The following DCAF6 variants were observed in gnomAD, a reference collection of about 807,000 sequenced individuals.
DCAF6 encodes the protein DDB1- and CUL4-associated factor 6.
DCAF6 carries 54 observed loss-of-function variants against 125.1 expected under a neutral mutation model. The ratio of observed to expected loss-of-function variants is 0.43; its 90% CI spans 0.35 to 0.54. The LOEUF (loss-of-function observed/expected upper bound fraction) is 0.54. DCAF6 is among the 20% of genes least tolerant of loss of function. The pLI is 0.01. For synonymous variants in DCAF6, 371 were observed against 390.4 expected (o/e 0.95, Z 0.58); for missense variants, 934 against 1,161.7 (o/e 0.80, Z 2.85).
intron 12 of DCAF6, among the ~76,000 whole-genome samples, chr1:168,028,929 T>C (rs562617197): frequency 3.7e-4 from 57 of 152,312 alleles, no homozygotes; most frequent in African/African-American, 1.3e-3. Context: ...TAGTATATTT[T>C]AAATTCTAGT....
chr1:168,050,819 T>G lies in DCAF6; in HGVS notation c.2259-73T>G, dbSNP rs990460337. 16 of 825,186 alleles carry G rather than the reference T, an allele frequency of 1.9e-5. No homozygotes were observed. In the African/African-American group the frequency reaches 2.8e-4, roughly 14 times the overall value. The allele number at this position is 825,186 out of a possible 1,614,324, so 51.1% of individuals were successfully genotyped here. A position where few individuals can be genotyped will look rare whatever the true frequency, so the allele number is the denominator to read the frequency against. ...GAGATGATTGATGATAAAAAGGGTG[T>G]CCTTAATGCTTTAAATATTTGGTTC... On this transcript the variant is annotated intron_variant, in intron 16 of 21. Transcript: ENST00000367840.
chr1:167,965,229 G>A (rs1676218054), intron 2 of DCAF6, among the ~76,000 whole-genome samples: 3 of 152,188 alleles, frequency 2.0e-5, no homozygotes, highest in African/African-American at 7.2e-5. Context: ...CACTTAAAGA[G>A]CCTATACGTC....
At chr1:167,951,332 T>C (rs1009511716) in intron 1 of DCAF6, among the ~76,000 whole-genome samples, 1 of 152,194 alleles carries the variant, frequency 6.6e-6, no homozygotes, top group East Asian at 1.9e-4. Flanking sequence ...CCTAGCACTT[T>C]GGGAGGCCAA....
chr1:167,993,152 C>A, intron 6 of DCAF6, 74 bp from the exon 7 acceptor site: 1 of 1,261,426 alleles, frequency 7.9e-7, no homozygotes, highest in Non-Finnish European at 1.1e-6. Context: ...TGTAATAATT[C>A]AGATTAAGAG....
At chr1:167,918,842 C>T in the DCAF6 span, among the ~76,000 whole-genome samples, 4 of 152,036 alleles carry the variant, frequency 2.6e-5, no homozygotes, top group African/African-American at 7.3e-5. Flanking sequence ...GTCTGCCTGC[C>T]TCGGCCTCCC....
intron 7 of DCAF6, among the ~76,000 whole-genome samples, chr1:167,997,339 A>G (rs1316395156): frequency 1.3e-5 from 2 of 152,200 alleles, no homozygotes; most frequent in African/African-American, 4.8e-5. Flanking sequence ...CGTATGAAGG[A>G]TGAAGCCCTC....
At chr1:167,948,306 C>CT (rs1424483351) in intron 1 of DCAF6, among the ~76,000 whole-genome samples, 1 of 151,718 alleles carries the variant, frequency 6.6e-6, no homozygotes, top group Non-Finnish European at 1.5e-5. Context: ...CTCTAAATCT[C>CT]TTAACTAGCA....
chr1:167,941,319 A>G (rs1672196894), intron 1 of DCAF6, among the ~76,000 whole-genome samples: 1 of 152,242 alleles, frequency 6.6e-6, no homozygotes, highest in Admixed American at 6.5e-5. Flanking sequence ...CATAGACACT[A>G]TGATAGCTCT....
chr1:167,974,941 T>C lies in DCAF6; in HGVS notation c.364T>C (p.Tyr122His), dbSNP rs768632730. The stretch of plus-strand genomic sequence containing the variant: ...CTGCTCTGGAGATGGAGTAATATTT[T>C]ATACCAACGTTGAGCAAGATGCAGA... ...VSCSGDGVIF[Y>H]TNVEQDAETN... The change falls in exon 4 of 22, where the codon TAT becomes CAT. Residue 122 changes from tyrosine (Y) to histidine (H), a missense_variant. Transcript: ENST00000367840. 6 of 1,609,712 alleles carry C rather than the reference T, an allele frequency of 3.7e-6. No individual in the cohort carries two copies. In the Admixed American group the frequency reaches 1.0e-4, roughly 27 times the overall value.
chr1:168,002,026 AGAGTAAATTGTCAATAAT>A (rs1170796606), intron 7 of DCAF6, among the ~76,000 whole-genome samples: 16 of 152,314 alleles, frequency 1.1e-4, no homozygotes, highest in Non-Finnish European at 1.0e-4. Flanking sequence ...TGGGAACCGA[AGAGTAAATTGTCAATAAT>A]GAGTAAATTG....
chr1:168,034,137 AAT>A (rs767383292), intron 12 of DCAF6, among the ~76,000 whole-genome samples: 10 of 152,254 alleles, frequency 6.6e-5, no homozygotes, highest in Non-Finnish European at 1.3e-4. Flanking sequence ...TCTTAATTAA[AAT>A]AGTTACTTAT....
the DCAF6 span, chr1:167,899,669 G>T: frequency 1.3e-6 from 2 of 1,593,008 alleles, no homozygotes; most frequent in Non-Finnish European, 1.7e-6. Context: ...AAGAAGTTCT[G>T]GATTATTTCC....
At chr1:168,038,969 C>G (rs1688167755) in intron 13 of DCAF6, among the ~76,000 whole-genome samples, 1 of 151,930 alleles carries the variant, frequency 6.6e-6, no homozygotes, top group South Asian at 2.1e-4. Flanking sequence ...TCCCATGTTA[C>G]TACTTAGTTT....
chr1:167,932,100 A>C (rs1252269590), upstream of DCAF6, among the ~76,000 whole-genome samples: 1 of 152,112 alleles, frequency 6.6e-6, no homozygotes, highest in African/African-American at 2.4e-5. Flanking sequence ...GTAAAAGGAG[A>C]GCTATAATGC....
the DCAF6 span, among the ~76,000 whole-genome samples, chr1:167,886,051 C>T: frequency 3.9e-5 from 6 of 152,032 alleles, no homozygotes; most frequent in Non-Finnish European, 8.8e-5. Context: ...TAAAAGAGGA[C>T]ACAAACAAAT....
chr1:168,032,485 CTG>C (rs924952975), intron 12 of DCAF6, among the ~76,000 whole-genome samples: 8 of 152,184 alleles, frequency 5.3e-5, no homozygotes, highest in Non-Finnish European at 1.0e-4. Context: ...GGTTTAAAAA[CTG>C]TGGTTGAGAA....
chr1:167,908,990 C>T, the DCAF6 span, among the ~76,000 whole-genome samples: 28 of 152,126 alleles, frequency 1.8e-4, no homozygotes, highest in African/African-American at 6.3e-4. Flanking sequence ...TGAGCAAATC[C>T]GTGTAATACC....
At chr1:167,935,430 T>C (rs1285826623), upstream of DCAF6, among the ~76,000 whole-genome samples, 1 of 152,162 alleles carries the variant, frequency 6.6e-6, no homozygotes, top group Non-Finnish European at 1.5e-5. Flanking sequence ...CCAGACAGTT[T>C]GGTGGCCGCA....
intron 17 of DCAF6, among the ~76,000 whole-genome samples, chr1:168,056,711 G>A (rs1022907521): frequency 1.3e-5 from 2 of 152,168 alleles, no homozygotes; most frequent in Admixed American, 6.5e-5. Context: ...CTTGCAGCAA[G>A]AAACCTCTTT....
Sources: gnomAD v4.1 joint callset for allele counts (sites outside exome capture counted in the v4.1 genomes callset) on GRCh38, gnomAD v4.1.1 for gene constraint, MANE v1.5 for transcripts, NCBI Gene and HGNC (gene_info 2026-07-23, HGNC 2026-07-21) for gene names.